TPR: variants seen among roughly 807,000 people sequenced by gnomAD.
The protein encoded by TPR is translocated promoter region, nuclear basket protein, also known as nucleoprotein TPR.
Under a neutral mutation model 316.1 loss-of-function variants are expected in TPR, and 51 were observed. That is an observed-to-expected ratio of 0.16 (90% CI 0.13 to 0.20). The LOEUF (loss-of-function observed/expected upper bound fraction) is 0.20, where lower values mean the gene tolerates loss of function less well. Among genes scored for constraint, TPR ranks in the 10% least tolerant of loss-of-function variants. The pLI, the probability that TPR is intolerant of heterozygous loss-of-function variation, is 1.00. For synonymous variants in TPR, 981 were observed against 914.7 expected (o/e 1.07, Z -1.31); for missense variants, 2,272 against 2,754.8 (o/e 0.82, Z 3.92).
chr1:186,365,102 C>CTGTTTTT (rs1659302973), intron 4 of TPR, among the ~76,000 whole-genome samples: 1 of 137,190 alleles, frequency 7.3e-6, no homozygotes, highest in African/African-American at 2.7e-5. Context: ...AGGGGCTGCC[C>CTGTTTTT]TTTTTTTTTT....
At position 186,313,082 on chromosome 1, in the gene TPR, A is replaced by G; in HGVS notation, c.*889T>C. The G allele has an allele frequency of 1.6e-6, 1 of 617,998 alleles. No individual in the cohort carries two copies. The highest frequency in any genetic ancestry group is 1.8e-5 in the African/African-American group (1 of 54,534). 38.3% of individuals were successfully genotyped at this position (617,998 alleles called of 1,614,324 possible). On this transcript the variant is annotated 3_prime_UTR_variant, in exon 51 of 51. Coordinates refer to ENST00000367478, the MANE Select transcript of TPR (RefSeq NM_003292.3). ...AATTAAAATGATGGCACTGCAATTC[A>G]ATTCTGCTCTAACCTTCATGAGATT...
intron 3 of TPR, 135 bp from the exon 4 acceptor site, chr1:186,368,117 TAAA>T: frequency 1.8e-6 from 1 of 569,380 alleles, no homozygotes; most frequent in Admixed American, 3.1e-5. Flanking sequence ...ACATCAAAGT[TAAA>T]AAATACCCGT....
At chr1:186,345,956 A>T (rs1369002982) in intron 23 of TPR, among the ~76,000 whole-genome samples, 179 bp downstream of exon 23, 3 of 152,200 alleles carry the variant, frequency 2.0e-5, no homozygotes, top group Non-Finnish European at 4.4e-5. Context: ...AAGTAGTCTA[A>T]AAATTTCAAC....
rs1334978966 is a variant in TPR, at chr1:186,347,432, C to T, written c.2803G>A (p.Asp935Asn). The T allele has an allele frequency of 6.2e-7, 1 of 1,613,756 alleles. No individual in the cohort carries two copies. Among genetic ancestry groups the T allele is most frequent in the African/African-American group, 1.3e-5 (1 of 74,890 alleles). The change falls in exon 22 of 51, where the codon GAT becomes AAT. Residue 935 changes from aspartate to asparagine, a missense_variant. Asp to Asn is a conservative substitution (Grantham distance 23). Transcript: ENST00000367478. Reference sequence around the variant, plus strand: ...TGTCTTAGCTGACTCACAAGATCATCCACATCTTCTTTGTTGCTAGGCTGA... The same window carrying T: ...TGTCTTAGCTGACTCACAAGATCATTCACATCTTCTTTGTTGCTAGGCTGA... The part of the protein sequence containing the change: ...KGQPSNKEDV[D>N]DLVSQLRQTE...
At chr1:186,326,282 C>T (rs1657929704) in intron 40 of TPR, 47 bp from the exon 41 acceptor site, 1 of 1,557,080 alleles carries the variant, frequency 6.4e-7, no homozygotes, top group Non-Finnish European at 8.7e-7. Context: ...GAATATGGCC[C>T]ACATGCTCTG....
At position 186,350,222 on chromosome 1, in the gene TPR, C is replaced by T; in HGVS notation, c.2776+1G>A. On this transcript the variant is annotated splice_donor_variant, in intron 21 of 50. Transcript: ENST00000367478. LOFTEE classifies it high-confidence loss of function. Reference sequence around the variant, plus strand: ...TATATTGGTCTACTTATTTTATTTACCTTTACCAGTTCTCTGTGAAGACTG... The same window carrying T: ...TATATTGGTCTACTTATTTTATTTATCTTTACCAGTTCTCTGTGAAGACTG... The T allele has an allele frequency of 6.2e-7, 1 of 1,601,406 alleles. No individual in the cohort carries two copies. The highest frequency in any genetic ancestry group is 8.5e-7 in the Non-Finnish European group (1 of 1,176,058).
At chr1:186,331,754 C>A (rs992981906) in intron 38 of TPR, among the ~76,000 whole-genome samples, 173 bp from the exon 39 acceptor site, 1 of 151,920 alleles carries the variant, frequency 6.6e-6, no homozygotes, top group Non-Finnish European at 1.5e-5. Flanking sequence ...TCAGTATACA[C>A]AAAGTAAGGT....
At chr1:186,315,901 A>G (rs1657598042) in intron 49 of TPR, among the ~76,000 whole-genome samples, 1 of 147,600 alleles carries the variant, frequency 6.8e-6, no homozygotes, top group African/African-American at 2.5e-5. Flanking sequence ...GTAACTGCAC[A>G]GCTTTGATCC....
rs370947927 is a variant in TPR at position 186,313,645 on chromosome 1, C to A, written c.*326G>T. 2.3e-6 allele frequency: 3 copies of A among 1,302,736 alleles called. No homozygotes were observed. Among genetic ancestry groups the A allele is most frequent in the Non-Finnish European group, 3.3e-6 (3 of 897,016 alleles). The allele number at this position is 1,302,736 out of a possible 1,614,324, so 80.7% of individuals were successfully genotyped here. On this transcript the variant is annotated 3_prime_UTR_variant, in exon 51 of 51. Coordinates refer to ENST00000367478, the MANE Select transcript of TPR (RefSeq NM_003292.3). ...TATTTTTTAGTTTGGGCATTGTTTT[C>A]TTTTTAACTAAAAAAATGTTTTCTC...
intron 36 of TPR, among the ~76,000 whole-genome samples, chr1:186,333,625 C>T (rs1377863249): frequency 6.6e-6 from 1 of 152,082 alleles, no homozygotes; most frequent in Non-Finnish European, 1.5e-5. Context: ...ACTGATTTTG[C>T]ATCTATTCAT....
chr1:186,370,482 T>G (rs1659487820), intron 3 of TPR, among the ~76,000 whole-genome samples: 1 of 152,116 alleles, frequency 6.6e-6, no homozygotes, highest in Non-Finnish European at 1.5e-5. Context: ...AAGTAAATTT[T>G]TTTTTCCCTT....
intron 2 of TPR, among the ~76,000 whole-genome samples, chr1:186,372,882 T>A (rs932680431): frequency 5.3e-5 from 8 of 152,176 alleles, no homozygotes; most frequent in Non-Finnish European, 8.8e-5. Flanking sequence ...TCATAGATAT[T>A]TATAAAAATT....
chr1:186,366,991 T>C (rs1043108754), intron 4 of TPR, among the ~76,000 whole-genome samples: 8 of 149,974 alleles, frequency 5.3e-5, no homozygotes, highest in African/African-American at 2.0e-4. Context: ...TATAAATATC[T>C]GAAAATCCTT....
intron 42 of TPR, 128 bp from the exon 43 acceptor site, chr1:186,323,998 T>G: frequency 1.1e-6 from 1 of 920,378 alleles, no homozygotes; most frequent in Non-Finnish European, 1.6e-6. Flanking sequence ...AGTAAAGTAG[T>G]GAGGTGTGAT....
In TPR at chr1:186,327,743, A is replaced by G. The variant is rs578062213; in HGVS notation, c.5689-83T>C. 8 of 1,230,052 alleles carry G rather than the reference A, an allele frequency of 6.5e-6. No individual in the cohort carries two copies. In the East Asian group the frequency reaches 9.6e-5, roughly 15 times the overall value. The allele number at this position is 1,230,052 out of a possible 1,614,324, so 76.2% of individuals were successfully genotyped here. A position where few individuals can be genotyped will look rare whatever the true frequency, so the allele number is the denominator to read the frequency against. ...ATATGTGAGGTATTATTATAGGTCA[A>G]AGTAAAGAATAATGAGTACTTATGG... On this transcript the variant is annotated intron_variant, in intron 39 of 50. Transcript: ENST00000367478.
chr1:186,343,558 A>C, intron 26 of TPR, 85 bp from the exon 27 acceptor site: 1 of 1,263,676 alleles, frequency 7.9e-7, no homozygotes, highest in South Asian at 1.4e-5. Context: ...AGATGACAAA[A>C]ATCATTGACT....
chr1:186,373,851 TTATAG>T (rs1237603498), intron 1 of TPR, among the ~76,000 whole-genome samples: 3 of 152,220 alleles, frequency 2.0e-5, no homozygotes, highest in African/African-American at 7.2e-5. Context: ...AAGACTTCTT[TTATAG>T]TAGTCAAGAT....
chr1:186,357,938 T>C (rs1029516167), intron 13 of TPR, among the ~76,000 whole-genome samples: 3 of 152,200 alleles, frequency 2.0e-5, no homozygotes, highest in Admixed American at 1.3e-4. Flanking sequence ...TTTTTGTGTG[T>C]GCTTTTGTAT....
At position 186,358,670 on chromosome 1, in the gene TPR, G is replaced by A. The variant is rs1478342820; in HGVS notation, c.1390-20C>T. The A allele has an allele frequency of 1.9e-6, 3 of 1,604,030 alleles. No homozygotes were observed. In the South Asian group the frequency reaches 3.4e-5, roughly 18 times the overall value. ...AATCTCCTTTAAAATGTAAATTCAA[G>A]TGAAAATTTTGTACTTCCTTCTAGG... On this transcript the variant is annotated intron_variant, in intron 12 of 50. Transcript: ENST00000367478.
Sources: allele counts gnomAD v4.1 joint callset (sites outside exome capture counted in the v4.1 genomes callset), GRCh38; gene constraint gnomAD v4.1.1; transcripts MANE v1.5; gene names NCBI Gene and HGNC (gene_info 2026-07-23, HGNC 2026-07-21).